CPSF6: variants seen among roughly 807,000 people sequenced by gnomAD.
CPSF6 encodes the protein cleavage and polyadenylation specific factor 6, also known as cleavage and polyadenylation specificity factor subunit 6.
CPSF6 carries 10 observed loss-of-function variants against 56.7 expected under a neutral mutation model. The observed-to-expected ratio is 0.18, with a 90% CI of 0.11 to 0.30. The LOEUF (loss-of-function observed/expected upper bound fraction) is 0.30, where lower values mean the gene tolerates loss of function less well. Ranked by LOEUF, CPSF6 falls within the 10% of genes least tolerant of loss-of-function variation. CPSF6 has a pLI of 1.00. For synonymous variants in CPSF6, 248 were observed against 244.8 expected, an observed-to-expected ratio of 1.01 and a Z score of -0.12; for missense variants, 419 against 722.9, an observed-to-expected ratio of 0.58 and a Z score of 4.82.
At chr12:69,252,705 T>C (rs779119916) in intron 2 of CPSF6, among the ~76,000 whole-genome samples, 1 of 152,216 alleles carries the variant, frequency 6.6e-6, no homozygotes, top group Non-Finnish European at 1.5e-5. Flanking sequence ...AAATTCAAAA[T>C]ACTTTCCTTT....
chr12:69,251,390 C>T (rs1872234714), intron 2 of CPSF6, 52 bp downstream of exon 2: 1 of 1,150,016 alleles, frequency 8.7e-7, no homozygotes, highest in Admixed American at 2.2e-5. Flanking sequence ...TTTTGAACTG[C>T]TCTAGTAATT....
chr12:69,264,596 A>G (rs922522105), intron 9 of CPSF6, among the ~76,000 whole-genome samples: 2 of 152,130 alleles, frequency 1.3e-5, no homozygotes, highest in Non-Finnish European at 2.9e-5. Flanking sequence ...CAGAATTTCC[A>G]TGTTTTGTTT....
intron 9 of CPSF6, among the ~76,000 whole-genome samples, 151 bp downstream of exon 9, chr12:69,262,713 G>C (rs777458430): frequency 7.9e-5 from 12 of 152,106 alleles, no homozygotes; most frequent in Non-Finnish European, 1.5e-4. Context: ...ACAAATTATA[G>C]GTAAGTAATG....
rs1051018162 is a variant in CPSF6, at chr12:69,271,835, C to A, written c.*2327C>A. 1.3e-5 allele frequency: 2 copies of A among 151,696 alleles called. No homozygotes were observed. The highest frequency in any genetic ancestry group is 4.8e-5 in the African/African-American group (2 of 41,476). The allele number at this position is 151,696 out of a possible 1,614,324, so 9.4% of individuals were successfully genotyped here. On this transcript the variant is annotated 3_prime_UTR_variant, in exon 10 of 10. Transcript: ENST00000435070. The stretch of plus-strand genomic sequence containing the variant: ...GGTTAATGTTATTTGAAAACTCTTC[C>A]TTTTTTTAATGTGTAAAAACAATCC...
At chr12:69,259,319 A>G (rs1413735291) in intron 6 of CPSF6, 109 bp from the exon 7 acceptor site, 2 of 1,386,980 alleles carry the variant, frequency 1.4e-6, no homozygotes, top group Non-Finnish European at 1.9e-6. Context: ...AGTAACTACT[A>G]TCTCTAAAGC....
At chr12:69,245,538 T>C (rs1228026494) in intron 1 of CPSF6, among the ~76,000 whole-genome samples, 1 of 152,232 alleles carries the variant, frequency 6.6e-6, no homozygotes, top group Non-Finnish European at 1.5e-5. Context: ...AGGGGACTAC[T>C]ATAATTATAG....
At chr12:69,268,405 A>G (rs1873093617) in intron 9 of CPSF6, among the ~76,000 whole-genome samples, 1 of 151,736 alleles carries the variant, frequency 6.6e-6, no homozygotes. Flanking sequence ...GAATGCATAT[A>G]TGTACTGATG....
chr12:69,250,308 A>T (rs1335435711), intron 1 of CPSF6, among the ~76,000 whole-genome samples: 2 of 151,772 alleles, frequency 1.3e-5, no homozygotes, highest in Admixed American at 6.6e-5. Flanking sequence ...CTGTCAGTTT[A>T]AAAAAAACTT....
rs370014669 is a variant in CPSF6 at position 69,251,373 on chromosome 12, T to C, written c.270+35T>C. ...GTTAATATAAGAATTAAATTATTGG[T>C]AATTGATTTTGAACTGCTCTAGTAA... On this transcript the variant is annotated intron_variant, in intron 2 of 9. Coordinates refer to ENST00000435070, the MANE Select transcript of CPSF6 (RefSeq NM_007007.3). The C allele has an allele frequency of 2.3e-6, 3 of 1,332,308 alleles. No homozygotes were observed. The African/African-American group carries it at 4.4e-5, about 19-fold the overall frequency. 82.5% of individuals were successfully genotyped at this position (1,332,308 alleles called of 1,614,324 possible).
chr12:69,239,855 GC>G (rs927305800), intron 1 of CPSF6, 149 bp downstream of exon 1: 21 of 628,218 alleles, frequency 3.3e-5, no homozygotes, highest in South Asian at 8.0e-5. Context: ...CTGGCGTGGC[GC>G]CCCCCCGCCC....
chr12:69,239,626 G>T lies in CPSF6; in HGVS notation c.-21G>T. On this transcript the variant is annotated 5_prime_UTR_variant, in exon 1 of 10. Coordinates refer to ENST00000435070, the MANE Select transcript of CPSF6 (RefSeq NM_007007.3). ...ACCTGCAGGAGGCGGCGGCGGCGGC[G>T]GCGGCCGAGGCTGAAGGAAGATGGC... 6.4e-7 allele frequency: 1 copy of T among 1,560,014 alleles called. No individual in the cohort carries two copies. Among genetic ancestry groups the T allele is most frequent in the Non-Finnish European group, 8.7e-7 (1 of 1,155,746 alleles).
intron 9 of CPSF6, among the ~76,000 whole-genome samples, chr12:69,263,599 A>G (rs560224646): frequency 9.9e-4 from 151 of 152,166 alleles, no homozygotes; most frequent in African/African-American, 3.5e-3. Context: ...TTATGTGATT[A>G]TTTTCAGTAA....
chr12:69,250,626 TAAAGG>T (rs1872194289), intron 1 of CPSF6, among the ~76,000 whole-genome samples: 1 of 130,080 alleles, frequency 7.7e-6, no homozygotes, highest in Admixed American at 8.0e-5. Flanking sequence ...AGAAAAGAAA[TAAAGG>T]AAACCCCCTT....
At chr12:69,242,118 A>G (rs904303435) in intron 1 of CPSF6, among the ~76,000 whole-genome samples, 1 of 152,214 alleles carries the variant, frequency 6.6e-6, no homozygotes, top group Admixed American at 6.5e-5. Context: ...ATAGTAGACT[A>G]GAACTCTTGT....
intron 1 of CPSF6, among the ~76,000 whole-genome samples, chr12:69,242,739 A>C (rs1871691936): frequency 6.6e-6 from 1 of 152,226 alleles, no homozygotes; most frequent in Admixed American, 6.5e-5. Context: ...ATTTATACTC[A>C]AGTGTAGTAA....
rs1366582358 is a variant in CPSF6, at chr12:69,273,762, A to C, written c.*4254A>C. The C allele has an allele frequency of 6.6e-6, 1 of 151,874 alleles. No individual in the cohort carries two copies. Among genetic ancestry groups the C allele is most frequent in the Non-Finnish European group, 1.5e-5 (1 of 67,834 alleles). 9.4% of individuals were successfully genotyped at this position (151,874 alleles called of 1,614,324 possible). A position where few individuals can be genotyped will look rare whatever the true frequency, so the allele number is the denominator to read the frequency against. On this transcript the variant is annotated 3_prime_UTR_variant, in exon 10 of 10. Coordinates refer to ENST00000435070, the MANE Select transcript of CPSF6 (RefSeq NM_007007.3). ...AATGGGAAAGGATCCTTTGGGTATA[A>C]ATCATAATGTATTTTAAGGAATGCA...
chr12:69,252,520 T>C (rs1307477909), intron 2 of CPSF6, among the ~76,000 whole-genome samples: 2 of 152,204 alleles, frequency 1.3e-5, no homozygotes, highest in Admixed American at 1.3e-4. Context: ...TTATTAGTTT[T>C]GTGACCTTGT....
In CPSF6 at chr12:69,273,756, G is replaced by T. The variant is rs890112885; in HGVS notation, c.*4248G>T. On this transcript the variant is annotated 3_prime_UTR_variant, in exon 10 of 10. Coordinates refer to ENST00000435070, the MANE Select transcript of CPSF6 (RefSeq NM_007007.3). ...GTATTTAATGGGAAAGGATCCTTTG[G>T]GTATAAATCATAATGTATTTTAAGG... The T allele has an allele frequency of 6.6e-6, 1 of 151,498 alleles. No individual in the cohort carries two copies. The highest frequency in any genetic ancestry group is 1.5e-5 in the Non-Finnish European group (1 of 67,734). 9.4% of individuals were successfully genotyped at this position (151,498 alleles called of 1,614,324 possible). A position where few individuals can be genotyped will look rare whatever the true frequency, so the allele number is the denominator to read the frequency against.
In CPSF6 at chr12:69,251,299, T is replaced by C; in HGVS notation, c.231T>C (p.Thr77=). The change falls in exon 2 of 10, where the codon ACT becomes ACC. Residue 77 remains threonine, a synonymous_variant. Transcript: ENST00000435070. ...GAAPNVVYTY[T]GKRIALYIGN... Reference sequence around the variant, plus strand: ...CACCAAATGTTGTCTATACATATACTGGAAAGAGAATTGCATTATATATTG... The same window carrying C: ...CACCAAATGTTGTCTATACATATACCGGAAAGAGAATTGCATTATATATTG... 1 of 1,590,204 alleles carries C rather than the reference T, an allele frequency of 6.3e-7. No individual in the cohort carries two copies. The highest frequency in any genetic ancestry group is 1.1e-5 in the South Asian group (1 of 90,396).
Sources: gnomAD v4.1 joint callset for allele counts (sites outside exome capture counted in the v4.1 genomes callset) on GRCh38, gnomAD v4.1.1 for gene constraint, MANE v1.5 for transcripts, NCBI Gene and HGNC (gene_info 2026-07-23, HGNC 2026-07-21) for gene names.